Variants in ATPAF2 observed in about 807,000 individuals in gnomAD.
ATPAF2 encodes ATP12 homolog.
A neutral mutation model predicts 36.6 loss-of-function variants in ATPAF2; 30 were observed. The observed-to-expected ratio is 0.82, with a 90% confidence interval of 0.61 to 1.11. The LOEUF (loss-of-function observed/expected upper bound fraction) is 1.11, where lower values mean the gene tolerates loss of function less well. Among genes scored for constraint, ATPAF2 ranks in the 50% most tolerant of loss-of-function variants. ATPAF2 has a pLI of 0.00. For synonymous variants in ATPAF2, 140 were observed against 152.6 expected (o/e 0.92, Z 0.61); for missense variants, 321 against 372.3 (o/e 0.86, Z 1.13).
downstream of ATPAF2, chr17:18,016,084 G>A (rs187171866): frequency 6.3e-5 from 101 of 1,613,908 alleles, no homozygotes; most frequent in Non-Finnish European, 8.2e-5. Flanking sequence ...ATAAAGATAC[G>A]ATTGTTAATG....
At chr17:18,024,880 C>T in intron 4 of ATPAF2, 176 bp from the exon 5 acceptor site, 1 of 647,358 alleles carries the variant, frequency 1.5e-6, no homozygotes. Context: ...ACCAGCATCG[C>T]CTGGGAACTT....
chr17:18,037,001 G>A (rs539668582), intron 1 of ATPAF2, among the ~76,000 whole-genome samples: 1 of 152,188 alleles, frequency 6.6e-6, no homozygotes, highest in South Asian at 2.1e-4. Context: ...AATCTGGGAG[G>A]TAGAGGTTGC....
chr17:18,033,544 C>T (rs554297181), intron 1 of ATPAF2, among the ~76,000 whole-genome samples: 1 of 151,940 alleles, frequency 6.6e-6, no homozygotes, highest in Admixed American at 6.5e-5. Flanking sequence ...AAAAAATCAG[C>T]CTAGCTTTGT....
In ATPAF2 at chr17:18,021,162, C is replaced by T; in HGVS notation, c.693G>A (p.Glu231=). ...LGLIDLRLTV[E]QAVLLSRLEE... ...CCAGGCGTGACAGCAGCACGGCCTG[C>T]TCCACTGTCAGGCGCAGGTCAATCA... is the stretch of plus-strand genomic sequence containing the variant. Residue 231 remains glutamate, a synonymous_variant, in exon 7 of 8, where the codon GAG becomes GAA. Transcript: ENST00000474627. 1 of 1,614,018 alleles carries T rather than the reference C, an allele frequency of 6.2e-7. No individual in the cohort carries two copies. The highest frequency in any genetic ancestry group is 1.1e-5 in the South Asian group (1 of 91,038).
Position 18,018,479 on chromosome 17 carries a change from G to A in ATPAF2, c.*70C>T. 1 of 1,602,118 alleles carries A rather than the reference G, an allele frequency of 6.2e-7. No homozygotes were observed. The highest frequency in any genetic ancestry group is 1.1e-5 in the South Asian group (1 of 90,682). On this transcript the variant is annotated 3_prime_UTR_variant, in exon 8 of 8. Transcript: ENST00000474627. ...CCAAGGAAGCCAGCCCCACAGGCTG[G>A]GGAGCCCTGAAGGCCGGGGGAGCTG...
chr17:18,026,066 G>A, intron 4 of ATPAF2: 1 of 576,358 alleles, frequency 1.7e-6, no homozygotes, highest in Non-Finnish European at 3.1e-6. Context: ...TGCAAGAGCT[G>A]CATAACCACC....
chr17:18,028,430 A>G, intron 2 of ATPAF2, 53 bp from the exon 3 acceptor site: 3 of 1,604,536 alleles, frequency 1.9e-6, no homozygotes, highest in Middle Eastern at 3.3e-4. Context: ...GAATCAAGTG[A>G]CCATTCCTAT....
chr17:18,026,087 A>G (rs2044541082), intron 4 of ATPAF2: 1 of 606,436 alleles, frequency 1.6e-6, no homozygotes, highest in South Asian at 1.9e-5. Flanking sequence ...CTCCCAGCCT[A>G]AGGAGCAGCT....
chr17:18,024,556 C>T, intron 5 of ATPAF2, 68 bp downstream of exon 5: 1 of 1,358,484 alleles, frequency 7.4e-7, no homozygotes, highest in Non-Finnish European at 1.0e-6. Flanking sequence ...CAGCGTGACC[C>T]CCTGACCCCT....
chr17:18,021,950 C>T, intron 5 of ATPAF2, 93 bp from the exon 6 acceptor site: 1 of 1,077,576 alleles, frequency 9.3e-7, no homozygotes, highest in Non-Finnish European at 1.4e-6. Context: ...AGCTTCAGAG[C>T]ATGTGTGTGC....
intron 4 of ATPAF2, 26 bp from the exon 5 acceptor site, chr17:18,024,730 A>G (rs1235388852): frequency 6.3e-7 from 1 of 1,593,470 alleles, no homozygotes; most frequent in Non-Finnish European, 8.6e-7. Flanking sequence ...AATAACCTTC[A>G]TTAATAAAAA....
chr17:18,023,461 T>C (rs547617056), intron 5 of ATPAF2, among the ~76,000 whole-genome samples: 14 of 152,284 alleles, frequency 9.2e-5, no homozygotes, highest in Admixed American at 4.6e-4. Context: ...TTGCTGAAAT[T>C]CCTAATAGTA....
intron 7 of ATPAF2, among the ~76,000 whole-genome samples, chr17:18,019,183 A>ACACACACC (rs1396685458): frequency 5.3e-5 from 8 of 150,716 alleles, no homozygotes; most frequent in African/African-American, 7.4e-5. Context: ...ACACACACAC[A>ACACACACC]CACCCCACCA....
At chr17:18,021,333 G>A in intron 6 of ATPAF2, 95 bp from the exon 7 acceptor site, 1 of 940,844 alleles carries the variant, frequency 1.1e-6, no homozygotes, top group South Asian at 1.4e-5. Flanking sequence ...GAACAGGAGT[G>A]AGTGGTGCAA....
intron 3 of ATPAF2, among the ~76,000 whole-genome samples, chr17:18,027,090 G>C (rs1484526397): frequency 6.6e-6 from 1 of 151,968 alleles, no homozygotes; most frequent in Non-Finnish European, 1.5e-5. Context: ...GCATGGTGGT[G>C]GACGTCTGTA....
chr17:18,024,972 C>A (rs376660054), intron 4 of ATPAF2: 6 of 491,136 alleles, frequency 1.2e-5, no homozygotes, highest in African/African-American at 1.2e-4. Flanking sequence ...TTTTAACAAG[C>A]CCTCTAGGGG....
At chr17:18,015,470 C>G (rs1489931339), downstream of ATPAF2, 1 of 152,608 alleles carries the variant, frequency 6.6e-6, no homozygotes, top group Non-Finnish European at 1.5e-5. Flanking sequence ...ACCAGTGAGG[C>G]CTATTAGAAG....
chr17:18,016,132 T>G (rs575558684), downstream of ATPAF2: 2 of 1,613,928 alleles, frequency 1.2e-6, no homozygotes, highest in African/African-American at 1.3e-5. Context: ...TCCTGAAGAT[T>G]GACAATCGAG....
rs113115236 is a variant in ATPAF2, at chr17:18,039,038, C to G, written c.-25G>C. On this transcript the variant is annotated 5_prime_UTR_variant, in exon 1 of 8. Coordinates refer to ENST00000474627, the MANE Select transcript of ATPAF2 (RefSeq NM_145691.4). The surrounding 1 kb of genome is among the most constrained non-coding windows in gnomAD (Gnocchi z 5.3). ...TCGCGCCCGAGGGTCTGGGAAGATG[C>G]GAGACGCGAAACCTGGAGCAGGAAA... 2 of 1,576,400 alleles carry G rather than the reference C, an allele frequency of 1.3e-6. No individual in the cohort carries two copies. The highest frequency in any genetic ancestry group is 2.4e-5 in the East Asian group (1 of 42,518).
Sources: gnomAD v4.1 joint callset for allele counts (sites outside exome capture counted in the v4.1 genomes callset) on GRCh38, gnomAD v4.1.1 for gene constraint, Gnocchi (gnomAD v3.1) non-coding constraint, MANE v1.5 for transcripts, NCBI Gene and HGNC (gene_info 2026-07-23, HGNC 2026-07-21) for gene names.